The following GRIP1 variants were observed in gnomAD, a reference collection of about 807,000 sequenced individuals.
The protein encoded by GRIP1 is glutamate receptor interacting protein 1.
Under a neutral mutation model 129.9 loss-of-function variants are expected in GRIP1, and 45 were observed. The ratio of observed to expected loss-of-function variants is 0.35; its 90% CI spans 0.27 to 0.44. The LOEUF (loss-of-function observed/expected upper bound fraction) is 0.44, where lower values mean the gene tolerates loss of function less well. GRIP1 is among the 20% of genes least tolerant of loss of function. The probability of loss-of-function intolerance (pLI) is 1.00; values close to 1 mark genes in which losing one functional copy is unlikely to be tolerated. For missense variants in GRIP1, 1,196 were observed against 1,396.8 expected (o/e 0.86, Z 2.29); for synonymous variants, 530 against 520.8 (o/e 1.02, Z -0.24).
intron 2 of GRIP1, among the ~76,000 whole-genome samples, chr12:66,594,131 T>A (rs182693458): frequency 8.8e-4 from 130 of 148,256 alleles, no homozygotes; most frequent in African/African-American, 3.2e-3. Flanking sequence ...CCCCAGCAGC[T>A]GGGACAGGTC....
At chr12:66,582,425 G>T (rs2139627561) in intron 2 of GRIP1, among the ~76,000 whole-genome samples, 1 of 148,994 alleles carries the variant, frequency 6.7e-6, no homozygotes, top group South Asian at 2.2e-4. Context: ...GCAGGAGAAG[G>T]AAATAAAGGG....
At position 66,500,466 on chromosome 12, in the gene GRIP1, A is replaced by AGACCAC. The variant is rs1448568954; in HGVS notation, c.724+15152_724+15153insGTGGTC. ...GGGTAGAGTCTTAGTGTTAGACTAA[A>AGACCAC]AATTGTGGTCTTTATTTTATAACTA... On this transcript the variant is annotated intron_variant, in intron 7 of 24. Coordinates refer to ENST00000359742, the MANE Select transcript of GRIP1 (RefSeq NM_001366722.1). Among the ~76,000 whole-genome samples, 6 of 152,198 alleles carry AGACCAC rather than the reference A, an allele frequency of 3.9e-5. No homozygotes were observed. The East Asian group carries it at 1.2e-3, about 29-fold the overall frequency.
At chr12:66,669,121 G>A (rs10878492) in intron 1 of GRIP1, among the ~76,000 whole-genome samples, 126,616 of 152,132 alleles carry the variant, frequency 0.83, 53,173 homozygotes, top group African/African-American at 0.92. Context: ...TTTAAAAATT[G>A]ACATCATTTG....
intron 1 of GRIP1, among the ~76,000 whole-genome samples, chr12:66,992,127 C>T (rs983225214): frequency 3.3e-5 from 5 of 152,104 alleles, no homozygotes; most frequent in African/African-American, 1.2e-4. Context: ...CTATAGCCTC[C>T]AAATGCAGAT....
chr12:66,989,763 A>C (rs548127486), intron 1 of GRIP1, among the ~76,000 whole-genome samples: 1 of 152,328 alleles, frequency 6.6e-6, no homozygotes, highest in East Asian at 1.9e-4. Flanking sequence ...GTTTATAGGA[A>C]ATGGAATCCC....
chr12:66,376,943 A>C, intron 22 of GRIP1, 74 bp downstream of exon 22: 3 of 1,008,264 alleles, frequency 3.0e-6, no homozygotes, highest in Non-Finnish European at 4.8e-6. Flanking sequence ...TATAAAATCA[A>C]ATTGCTGTCC....
At chr12:66,983,640 G>A (rs2042269836) in intron 1 of GRIP1, among the ~76,000 whole-genome samples, 1 of 152,012 alleles carries the variant, frequency 6.6e-6, no homozygotes, top group Non-Finnish European at 1.5e-5. Context: ...TATTTTCCCT[G>A]TGTTTTATAC....
At chr12:66,602,848 C>CTTT (rs71436016) in intron 1 of GRIP1, among the ~76,000 whole-genome samples, 731 of 71,638 alleles carry the variant, frequency 0.01, 187 homozygotes, top group Non-Finnish European at 0.013. Context: ...AGATCTTTTG[C>CTTT]TTTTTTTTTT....
At chr12:66,990,503 G>C (rs1437813627) in intron 1 of GRIP1, among the ~76,000 whole-genome samples, 1 of 152,316 alleles carries the variant, frequency 6.6e-6, no homozygotes, top group Admixed American at 6.5e-5. Flanking sequence ...GAAGAAGGAA[G>C]CAAACAAGTG....
chr12:66,914,012 A>C (rs1274179822), intron 1 of GRIP1, among the ~76,000 whole-genome samples: 2 of 152,202 alleles, frequency 1.3e-5, no homozygotes, highest in African/African-American at 4.8e-5. Flanking sequence ...AAGTCATTAA[A>C]TTCTTATAAC....
At chr12:66,975,324 T>C (rs1181489827) in intron 1 of GRIP1, among the ~76,000 whole-genome samples, 4 of 152,192 alleles carry the variant, frequency 2.6e-5, no homozygotes, top group Non-Finnish European at 2.9e-5. Flanking sequence ...GTATCTAAAA[T>C]TGTAAACAAA....
chr12:66,889,482 A>C (rs1420311057), intron 1 of GRIP1, among the ~76,000 whole-genome samples: 1 of 152,176 alleles, frequency 6.6e-6, no homozygotes, highest in Non-Finnish European at 1.5e-5. Context: ...AAATAATAAT[A>C]ATTTCAAAGA....
intron 1 of GRIP1, among the ~76,000 whole-genome samples, chr12:66,668,126 C>A (rs1422899037): frequency 6.6e-6 from 1 of 152,160 alleles, no homozygotes; most frequent in Non-Finnish European, 1.5e-5. Flanking sequence ...TGCCTTGAGT[C>A]ACTAATCCTG....
chr12:67,019,983 T>C (rs2042841755), intron 1 of GRIP1, among the ~76,000 whole-genome samples: 2 of 152,180 alleles, frequency 1.3e-5, no homozygotes, highest in South Asian at 2.1e-4. Flanking sequence ...AGTTAAAGAC[T>C]TCCTTTAGTT....
At chr12:66,906,066 C>T (rs2040927396) in intron 1 of GRIP1, among the ~76,000 whole-genome samples, 1 of 152,042 alleles carries the variant, frequency 6.6e-6, no homozygotes, top group African/African-American at 2.4e-5. Context: ...ACTATCTAGG[C>T]ACGCAAATAT....
intron 1 of GRIP1, among the ~76,000 whole-genome samples, chr12:66,615,798 T>A (rs2065015984): frequency 6.6e-6 from 1 of 151,910 alleles, no homozygotes. Flanking sequence ...GTATCCACCA[T>A]CATGCCCAGC....
intron 1 of GRIP1, among the ~76,000 whole-genome samples, chr12:66,757,014 T>TA (rs1440819543): frequency 6.6e-6 from 1 of 152,222 alleles, no homozygotes; most frequent in Non-Finnish European, 1.5e-5. Context: ...AATATTTTGA[T>TA]AAAGGCATAT....
chr12:66,679,054 C>G lies in GRIP1; in HGVS notation c.-150G>C. On this transcript the variant is annotated 5_prime_UTR_variant, in exon 1 of 25. Coordinates refer to ENST00000359742, the MANE Select transcript of GRIP1 (RefSeq NM_001366722.1). ...AAAGCTTAATTCCTCTTGGCTGATG[C>G]AGAGGTCCGCTACATGTCATCTGGC... The G allele has an allele frequency of 1.3e-6, 2 of 1,532,988 alleles. No homozygotes were observed. Among genetic ancestry groups the G allele is most frequent in the Non-Finnish European group, 1.8e-6 (2 of 1,139,512 alleles). 95.0% of individuals were successfully genotyped at this position (1,532,988 alleles called of 1,614,324 possible). A position where few individuals can be genotyped will look rare whatever the true frequency, so the allele number is the denominator to read the frequency against.
chr12:66,627,410 A>G (rs1411390564), intron 1 of GRIP1, among the ~76,000 whole-genome samples: 1 of 152,210 alleles, frequency 6.6e-6, no homozygotes, highest in Non-Finnish European at 1.5e-5. Context: ...TAATTCAGCA[A>G]ATATCCACAG....
Sources: gnomAD v4.1 joint callset for allele counts (sites outside exome capture counted in the v4.1 genomes callset) on GRCh38, gnomAD v4.1.1 for gene constraint, MANE v1.5 for transcripts, NCBI Gene and HGNC (gene_info 2026-07-23, HGNC 2026-07-21) for gene names.